KCNC4: variants seen among roughly 807,000 people sequenced by gnomAD.
The protein encoded by KCNC4 is potassium voltage-gated channel subfamily C member 4.
A neutral mutation model predicts 42.8 loss-of-function variants in KCNC4; 23 were observed. The observed-to-expected ratio is 0.54, with a 90% CI of 0.39 to 0.76. The LOEUF (loss-of-function observed/expected upper bound fraction) is 0.76, where lower values mean the gene tolerates loss of function less well. Among genes scored for constraint, KCNC4 ranks in the 30% least tolerant of loss-of-function variants. The pLI is 0.00. For missense variants in KCNC4, 751 were observed against 898.2 expected (o/e 0.84, Z 2.10); for synonymous variants, 422 against 393.5 (o/e 1.07, Z -0.86).
chr1:110,267,237 G>A (rs1280699852), intron 1 of KCNC4, among the ~76,000 whole-genome samples: 1 of 152,172 alleles, frequency 6.6e-6, no homozygotes, highest in Non-Finnish European at 1.5e-5. Context: ...GGTTGCTCAG[G>A]ATCAACGTCT....
rs1657444661 is a variant in KCNC4, at chr1:110,211,505, C to T, written c.6C>T (p.Ile2=). ...GGAGCCCCGCAGCGCTTCTTATGAT[C>T]AGCTCGGTGTGTGTCTCCTCCTACC... M[I]SSVCVSSYRG... The change falls in exon 1 of 4, where the codon ATC becomes ATT. Residue 2 remains isoleucine, a synonymous_variant. Transcript: ENST00000438661. The surrounding 1 kb of genome is among the most constrained non-coding windows in gnomAD (Gnocchi z 6.5). 3.7e-6 allele frequency: 6 copies of T among 1,612,958 alleles called. No individual in the cohort carries two copies. The highest frequency in any genetic ancestry group is 1.3e-5 in the African/African-American group (1 of 75,032).
chr1:110,237,350 CA>C (rs1658928721), downstream of KCNC4: 1 of 152,062 alleles, frequency 6.6e-6, no homozygotes, highest in South Asian at 2.1e-4. Context: ...ATCCCCATAC[CA>C]AATCAACAGG....
chr1:110,275,267 A>G (rs558937114), intron 1 of KCNC4, among the ~76,000 whole-genome samples: 88 of 152,342 alleles, frequency 5.8e-4, no homozygotes, highest in Non-Finnish European at 1.1e-3. Flanking sequence ...AATGGTCAAC[A>G]TCACTAATCA....
chr1:110,215,023 G>A (rs2100989020), intron 1 of KCNC4, among the ~76,000 whole-genome samples: 1 of 152,328 alleles, frequency 6.6e-6, no homozygotes, highest in Admixed American at 6.5e-5. Context: ...CCTCCTCCCT[G>A]GAAGGGCCCG....
At chr1:110,217,580 A>G (rs1212442824) in intron 1 of KCNC4, among the ~76,000 whole-genome samples, 1 of 152,114 alleles carries the variant, frequency 6.6e-6, no homozygotes, top group Non-Finnish European at 1.5e-5. Flanking sequence ...TCCGGGCTAG[A>G]CTGAATTCCT....
chr1:110,271,279 C>G (rs1659629119), intron 1 of KCNC4, among the ~76,000 whole-genome samples: 1 of 152,056 alleles, frequency 6.6e-6, no homozygotes, highest in Non-Finnish European at 1.5e-5. Context: ...AACAGAAGGT[C>G]AAGAAGAAAA....
At chr1:110,236,381 ACT>A (rs1189187863), downstream of KCNC4, 1 of 152,050 alleles carries the variant, frequency 6.6e-6, no homozygotes, top group Non-Finnish European at 1.5e-5. Context: ...ATGCTTAGCC[ACT>A]CTCTGAACTG....
rs776614840 is a variant in KCNC4 at position 110,223,182 on chromosome 1, C to T, written c.897C>T (p.Arg299=). 4 of 1,614,208 alleles carry T rather than the reference C, an allele frequency of 2.5e-6. No individual in the cohort carries two copies. The highest frequency in any genetic ancestry group is 2.5e-6 in the Non-Finnish European group (3 of 1,180,014). ...VLWFTLEFLV[R]IVCCPDTLDF... ...GGTTCACACTGGAGTTCCTGGTGCG[C>T]ATCGTGTGCTGCCCCGACACGCTGG... is the stretch of plus-strand genomic sequence containing the variant. Residue 299 remains arginine (R), a synonymous_variant, in exon 2 of 4, where the codon CGC becomes CGT. Coordinates refer to ENST00000438661, the MANE Select transcript of KCNC4 (RefSeq NM_001039574.3). This position sits in a 1 kb window ranked among gnomAD's most constrained non-coding sequence, Gnocchi z 7.5.
In KCNC4 at chr1:110,258,403, A is replaced by C. The variant is rs540306003; in HGVS notation, n.31-24131A>C. Among the ~76,000 whole-genome samples the C allele has an allele frequency of 2.6e-5, 4 of 152,192 alleles. No individual in the cohort carries two copies. The East Asian group carries it at 7.8e-4, about 29-fold the overall frequency. ...CAGGCACACGCCACCATGCCCAGCTAATCTTTGTACTTTTAGTAGAGACGA... is the reference window on the plus strand; with the variant it reads ...CAGGCACACGCCACCATGCCCAGCTCATCTTTGTACTTTTAGTAGAGACGA... On this transcript the variant is annotated intron_variant and non_coding_transcript_variant, in intron 1 of 2. Coordinates refer to the KCNC4 transcript ENST00000412512.
intron 1 of KCNC4, among the ~76,000 whole-genome samples, chr1:110,214,461 C>T (rs901349760): frequency 2.0e-5 from 3 of 152,190 alleles, no homozygotes; most frequent in South Asian, 4.1e-4. Context: ...AGTGGGAATA[C>T]ATAATTTTTA....
At chr1:110,254,364 G>A (rs1659296717) in intron 1 of KCNC4, among the ~76,000 whole-genome samples, 1 of 152,142 alleles carries the variant, frequency 6.6e-6, no homozygotes, top group East Asian at 1.9e-4. Flanking sequence ...GGGTCACTGT[G>A]GCATCTTCAT....
intron 1 of KCNC4, among the ~76,000 whole-genome samples, chr1:110,255,421 C>T (rs1046970142): frequency 5.3e-5 from 8 of 152,204 alleles, no homozygotes; most frequent in African/African-American, 1.9e-4. Context: ...CACAAGTTGC[C>T]AAAGATAACT....
chr1:110,274,852 C>T (rs1440265081), intron 1 of KCNC4, among the ~76,000 whole-genome samples: 1 of 152,088 alleles, frequency 6.6e-6, no homozygotes, highest in Non-Finnish European at 1.5e-5. Flanking sequence ...TCACCATATA[C>T]AAAAATCAAT....
downstream of KCNC4, chr1:110,238,792 A>C (rs1658965094): frequency 6.6e-6 from 1 of 151,942 alleles, no homozygotes; most frequent in South Asian, 2.1e-4. Flanking sequence ...TCACTCACTC[A>C]TTTTTCGTGC....
Position 110,211,383 on chromosome 1 carries a change from G to C in KCNC4, c.-117G>C. ...GCAAGCCCAAGCCGCAGAGGGGGCC[G>C]CCACCGCCTCCTGCCTCCTCTTCGT... On this transcript the variant is annotated 5_prime_UTR_variant, in exon 1 of 4. Transcript: ENST00000438661. This position sits in a 1 kb window ranked among gnomAD's most constrained non-coding sequence, Gnocchi z 6.5. 1.4e-6 allele frequency: 2 copies of C among 1,429,318 alleles called. No homozygotes were observed. Among genetic ancestry groups the C allele is most frequent in the Non-Finnish European group, 1.9e-6 (2 of 1,073,186 alleles). 88.5% of individuals were successfully genotyped at this position (1,429,318 alleles called of 1,614,324 possible).
chr1:110,214,838 A>AC (rs1157943634), intron 1 of KCNC4, among the ~76,000 whole-genome samples: 2 of 152,228 alleles, frequency 1.3e-5, no homozygotes, highest in Non-Finnish European at 2.9e-5. Flanking sequence ...GCAGATGGAG[A>AC]CGTCAGAAGG....
At chr1:110,234,895 G>A (rs1448390769), downstream of KCNC4, 1 of 152,266 alleles carries the variant, frequency 6.6e-6, no homozygotes, top group Non-Finnish European at 1.5e-5. Context: ...TGACTTGGGG[G>A]TGACTCACCG....
chr1:110,246,624 A>G (rs1371893241), exon 4 of KCNC4: 1 of 152,098 alleles, frequency 6.6e-6, no homozygotes, highest in East Asian at 1.9e-4. Flanking sequence ...TCGCACTCCA[A>G]TCCCATGCAC....
At chr1:110,225,917 C>T in intron 2 of KCNC4, 58 bp from the exon 3 acceptor site, 3 of 1,474,746 alleles carry the variant, frequency 2.0e-6, no homozygotes, top group Non-Finnish European at 2.8e-6. Context: ...CCCAGATGAC[C>T]CATGAGCAAG....
Sources: allele counts gnomAD v4.1 joint callset (sites outside exome capture counted in the v4.1 genomes callset), GRCh38; gene constraint gnomAD v4.1.1; non-coding constraint Gnocchi (gnomAD v3.1); transcripts MANE v1.5; gene names NCBI Gene and HGNC (gene_info 2026-07-23, HGNC 2026-07-21).